AEBP2: variants seen among roughly 807,000 people sequenced by gnomAD.
AEBP2 encodes AE binding protein 2.
AEBP2 carries 10 observed loss-of-function variants against 50.8 expected under a neutral mutation model. The ratio of observed to expected loss-of-function variants is 0.20; its 90% CI spans 0.12 to 0.33. AEBP2 has a LOEUF of 0.33. Among genes scored for constraint, AEBP2 ranks in the 10% least tolerant of loss-of-function variants. The pLI is 1.00. For missense variants in AEBP2, 570 were observed against 688.0 expected, an observed-to-expected ratio of 0.83 and a Z score of 1.92; for synonymous variants, 296 against 261.3, an observed-to-expected ratio of 1.13 and a Z score of -1.28.
rs754195220 is a variant in AEBP2, at chr12:19,501,797, G to GTTTTTTTTTT, written c.1299+1587_1299+1596dup. 3.9e-3 allele frequency among the ~76,000 whole-genome samples: 278 copies of GTTTTTTTTTT among 70,770 alleles called. 7 individuals are homozygous for GTTTTTTTTTT. Among genetic ancestry groups the GTTTTTTTTTT allele is most frequent in the Non-Finnish European group, 5.3e-3 (196 of 37,088 alleles). The allele number at this position is 70,770 out of a possible 152,430, so 46.4% of individuals were successfully genotyped here. On this transcript the variant is annotated intron_variant, in intron 5 of 7. Transcript: ENST00000266508. ...CGTCGTCTCCTATAAAAATGAGTTT[G>GTTTTTTTTTT]TTTTTTTTTTTTTTTTTTTTGCATT...
chr12:19,503,974 G>A (rs1949119301), intron 5 of AEBP2, among the ~76,000 whole-genome samples: 1 of 151,842 alleles, frequency 6.6e-6, no homozygotes, highest in Non-Finnish European at 1.5e-5. Context: ...TGGGACCACA[G>A]GCATGAGCTA....
Position 19,481,020 on chromosome 12 carries a change from G to A in AEBP2, c.987+7665G>A, listed in dbSNP as rs1022448627. Reference sequence around the variant, plus strand: ...CTTTTCTTTGTCTTTGTCTGATTGGGTTATTTCGAAAGCCTTGTCTTTGAG... The same window carrying A: ...CTTTTCTTTGTCTTTGTCTGATTGGATTATTTCGAAAGCCTTGTCTTTGAG... On this transcript the variant is annotated intron_variant, in intron 3 of 7. Coordinates refer to ENST00000266508, the MANE Select transcript of AEBP2 (RefSeq NM_153207.5). Among the ~76,000 whole-genome samples, 4 of 146,390 alleles carry A rather than the reference G, an allele frequency of 2.7e-5. No individual in the cohort carries two copies. The South Asian group carries it at 8.8e-4, about 32-fold the overall frequency.
In AEBP2 at chr12:19,418,060, G is replaced by C. The variant is rs117273357; in HGVS notation, c.-17+13844G>C. On this transcript the variant is annotated intron_variant, in intron 1 of 3. Transcript: ENST00000538425. ...CCTTCCAGGCCCTCCCAATCCTGAA[G>C]CGAATGGAGAGTCTAGCTTCTTTTT... 1.4e-3 allele frequency among the ~76,000 whole-genome samples: 216 copies of C among 152,166 alleles called. 9 individuals carry two copies. The East Asian group carries it at 0.038, about 27-fold the overall frequency.
chr12:19,417,080 C>A (rs538747498), intron 1 of AEBP2, among the ~76,000 whole-genome samples: 1 of 151,854 alleles, frequency 6.6e-6, no homozygotes, highest in African/African-American at 2.4e-5. Context: ...ACCGTGTTAA[C>A]CAGGATGGTC....
At chr12:19,410,704 A>G (rs1017572342) in intron 1 of AEBP2, among the ~76,000 whole-genome samples, 1 of 152,204 alleles carries the variant, frequency 6.6e-6, no homozygotes, top group African/African-American at 2.4e-5. Flanking sequence ...TGAGTAAATT[A>G]AAATACTAAA....
At chr12:19,454,110 C>T (rs1369542028) in intron 1 of AEBP2, among the ~76,000 whole-genome samples, 1 of 152,072 alleles carries the variant, frequency 6.6e-6, no homozygotes, top group East Asian at 1.9e-4. Flanking sequence ...AGGCTGATCT[C>T]CAACTCCTGA....
intron 3 of AEBP2, among the ~76,000 whole-genome samples, chr12:19,475,464 G>GTGTGTGTGTATATATA (rs879624624): frequency 6.6e-6 from 1 of 150,764 alleles, no homozygotes; most frequent in Non-Finnish European, 1.5e-5. Flanking sequence ...GTATGTGTGT[G>GTGTGTGTGTATATATA]TATATATATA....
At chr12:19,473,028 G>A (rs571298916) in intron 2 of AEBP2, among the ~76,000 whole-genome samples, 4 of 152,020 alleles carry the variant, frequency 2.6e-5, no homozygotes, top group Admixed American at 6.5e-5. Flanking sequence ...TTCTGTGATC[G>A]GTGTGTTAAT....
At chr12:19,431,878 C>T (rs544693168) in intron 1 of AEBP2, among the ~76,000 whole-genome samples, 3 of 152,170 alleles carry the variant, frequency 2.0e-5, no homozygotes, top group Non-Finnish European at 4.4e-5. Flanking sequence ...AATATCAACA[C>T]ACAGAACCTA....
chr12:19,428,498 G>T (rs949037404), intron 1 of AEBP2, among the ~76,000 whole-genome samples: 2 of 152,202 alleles, frequency 1.3e-5, no homozygotes, highest in African/African-American at 4.8e-5. Flanking sequence ...GAGGAAGGAG[G>T]ATTAGCAGGT....
chr12:19,501,211 A>G (rs567390551), intron 5 of AEBP2, among the ~76,000 whole-genome samples: 105 of 152,074 alleles, frequency 6.9e-4, no homozygotes, highest in Admixed American at 1.1e-3. Flanking sequence ...GTCATCTGCA[A>G]TCCCAGTTAC....
intron 1 of AEBP2, chr12:19,456,630 A>T (rs796925489): frequency 3.3e-6 from 5 of 1,525,748 alleles, no homozygotes; most frequent in Non-Finnish European, 4.5e-6. Flanking sequence ...AGCCGCTTCC[A>T]TTGGTGGGTC....
At chr12:19,501,436 A>G (rs758373220) in intron 5 of AEBP2, among the ~76,000 whole-genome samples, 3 of 152,042 alleles carry the variant, frequency 2.0e-5, no homozygotes, top group Non-Finnish European at 2.9e-5. Context: ...GGAATTCAAT[A>G]CCAGCCTGGA....
chr12:19,466,676 T>C, intron 2 of AEBP2: 1 of 394,020 alleles, frequency 2.5e-6, no homozygotes, highest in Non-Finnish European at 3.5e-6. Context: ...GTATCTAATA[T>C]AAGTAGAAAA....
chr12:19,439,966 C>G lies in AEBP2; in HGVS notation c.267C>G (p.Ser89Arg). The G allele has an allele frequency of 6.6e-7, 1 of 1,520,150 alleles. No homozygotes were observed. The highest frequency in any genetic ancestry group is 2.6e-5 in the East Asian group (1 of 37,984). 94.2% of individuals were successfully genotyped at this position (1,520,150 alleles called of 1,614,324 possible). A position where few individuals can be genotyped will look rare whatever the true frequency, so the allele number is the denominator to read the frequency against. Residue 89 changes from serine to arginine, a missense_variant, in exon 1 of 8, where the codon AGC becomes AGG. Around this residue, in one of 2 missense-constraint regions of AEBP2, gnomAD observed 386 missense variants for 336.8 expected, o/e 1.15. Coordinates refer to ENST00000266508, the MANE Select transcript of AEBP2 (RefSeq NM_153207.5). ...CGATGTCGGAGCCGAGCCCCGAGAG[C>G]GCCAGCCAGGCCGGGGAGGACGAAG... ...AETMSEPSPE[S>R]ASQAGEDEDE...
chr12:19,505,836 TATC>T (rs775751105), intron 5 of AEBP2, among the ~76,000 whole-genome samples: 73 of 152,158 alleles, frequency 4.8e-4, no homozygotes, highest in Middle Eastern at 3.4e-3. Flanking sequence ...AATGTGGTGG[TATC>T]ATCATGGCTC....
rs1948511309 is a variant in AEBP2, at chr12:19,468,126, T to TG, written c.880-5122_880-5121insG. 6.2e-4 allele frequency among the ~76,000 whole-genome samples: 89 copies of TG among 143,958 alleles called. 1 individual carries two copies. The highest frequency in any genetic ancestry group is 2.9e-4 in the Non-Finnish European group (19 of 66,122). 94.4% of individuals were successfully genotyped at this position (143,958 alleles called of 152,430 possible). Reference sequence around the variant, plus strand: ...ATCCATCCAACCCCTCTGCCTGACTTTGTGTGTGTGTGTGTGTGTGTGTGT... The same window carrying TG: ...ATCCATCCAACCCCTCTGCCTGACTTGTGTGTGTGTGTGTGTGTGTGTGTGT... On this transcript the variant is annotated intron_variant, in intron 2 of 7. Transcript: ENST00000266508.
At chr12:19,419,771 A>C (rs1009601752) in intron 1 of AEBP2, among the ~76,000 whole-genome samples, 1 of 151,616 alleles carries the variant, frequency 6.6e-6, no homozygotes, top group Non-Finnish European at 1.5e-5. Flanking sequence ...CTCTACTAAA[A>C]ATACAAAAAT....
At chr12:19,517,439 A>G (rs141800895) in intron 7 of AEBP2, among the ~76,000 whole-genome samples, 1,670 of 152,326 alleles carry the variant, frequency 0.011, 22 homozygotes, top group Non-Finnish European at 0.015. Context: ...CAATACAACA[A>G]TACAAAATAA....
Sources: gnomAD v4.1 joint callset for allele counts (sites outside exome capture counted in the v4.1 genomes callset) on GRCh38, gnomAD v4.1.1 for gene constraint, gnomAD v4.1.1 regional missense constraint, MANE v1.5 for transcripts, NCBI Gene and HGNC (gene_info 2026-07-23, HGNC 2026-07-21) for gene names.